The following FAM204A variants were observed in gnomAD, a reference collection of about 807,000 sequenced individuals.
FAM204A encodes protein FAM204A.
In FAM204A, 16 loss-of-function variants were observed where a neutral mutation model predicts 35.4. The observed-to-expected ratio is 0.45, with a 90% confidence interval of 0.31 to 0.69. The LOEUF (loss-of-function observed/expected upper bound fraction) is 0.69, where lower values mean the gene tolerates loss of function less well. Among genes scored for constraint, FAM204A ranks in the 30% least tolerant of loss-of-function variants. FAM204A has a pLI of 0.07. For synonymous variants in FAM204A, 76 were observed against 86.9 expected (o/e 0.88, Z 0.70); for missense variants, 240 against 265.7 (o/e 0.90, Z 0.67).
chr10:118,323,609 T>C (rs1479481767), intron 7 of FAM204A, among the ~76,000 whole-genome samples: 1 of 152,046 alleles, frequency 6.6e-6, no homozygotes, highest in Non-Finnish European at 1.5e-5. Flanking sequence ...CTCCTCACTA[T>C]ACTCCCCCAT....
chr10:118,303,361 T>C lies in FAM204A; in HGVS notation c.*7496A>G, dbSNP rs1235909881. 6.6e-6 allele frequency: 1 copy of C among 152,296 alleles called. No individual in the cohort carries two copies. The highest frequency in any genetic ancestry group is 2.4e-5 in the African/African-American group (1 of 41,566). The allele number at this position is 152,296 out of a possible 1,614,324, so 9.4% of individuals were successfully genotyped here. ...TAAAAAATTTACAGAACAATAACAG[T>C]ACTTCTAAGGCTTATATTCTCAGTC... On this transcript the variant is annotated 3_prime_UTR_variant, in exon 9 of 9. Coordinates refer to ENST00000369183, the MANE Select transcript of FAM204A (RefSeq NM_022063.3).
chr10:118,329,147 A>G (rs938454890), intron 6 of FAM204A, among the ~76,000 whole-genome samples: 2 of 152,116 alleles, frequency 1.3e-5, no homozygotes, highest in Non-Finnish European at 2.9e-5. Flanking sequence ...GTTATCTTCA[A>G]TGCTTCCAAC....
intron 6 of FAM204A, among the ~76,000 whole-genome samples, chr10:118,330,121 T>C (rs1846266725): frequency 1.3e-5 from 2 of 152,206 alleles, no homozygotes; most frequent in Non-Finnish European, 2.9e-5. Context: ...CTTTAAAAAA[T>C]GTAAATACAA....
In FAM204A at chr10:118,319,816, C is replaced by T. The variant is rs141739722; in HGVS notation, c.543+6338G>A. Among the ~76,000 whole-genome samples the T allele has an allele frequency of 2.5e-3, 375 of 151,984 alleles. 4 individuals carry two copies. Among genetic ancestry groups the T allele is most frequent in the African/African-American group, 8.8e-3 (366 of 41,518 alleles). ...AAACCAATATGATTACTCTTTGTAG[C>T]TTGTGCAAAACTGTTATAATGTTAC... is the stretch of plus-strand genomic sequence containing the variant. On this transcript the variant is annotated intron_variant, in intron 7 of 8. Transcript: ENST00000369183.
intron 6 of FAM204A, among the ~76,000 whole-genome samples, chr10:118,328,423 T>C (rs1412623321): frequency 1.3e-5 from 2 of 152,068 alleles, no homozygotes; most frequent in East Asian, 3.9e-4. Context: ...ATGCAAATTC[T>C]GTGGAAAAAC....
Position 118,306,177 on chromosome 10 carries a change from A to G in FAM204A, c.*4680T>C, listed in dbSNP as rs901383217. 6.6e-6 allele frequency: 1 copy of G among 152,302 alleles called. No homozygotes were observed. The highest frequency in any genetic ancestry group is 1.5e-5 in the Non-Finnish European group (1 of 68,104). The allele number at this position is 152,302 out of a possible 1,614,324, so 9.4% of individuals were successfully genotyped here. ...AGGATTACCTCATTCCATACCTGTC[A>G]CATAGCAGGCCCCCTGCAGCTATTC... On this transcript the variant is annotated 3_prime_UTR_variant, in exon 9 of 9. Transcript: ENST00000369183.
chr10:118,317,125 T>A (rs1292758969), intron 7 of FAM204A, among the ~76,000 whole-genome samples: 1 of 152,058 alleles, frequency 6.6e-6, no homozygotes, highest in Non-Finnish European at 1.5e-5. Context: ...TTTACAATAA[T>A]GTGCCATCAA....
chr10:118,326,636 G>A (rs1289316199), intron 6 of FAM204A, among the ~76,000 whole-genome samples: 4 of 152,150 alleles, frequency 2.6e-5, no homozygotes, highest in African/African-American at 9.7e-5. Context: ...GAATAATAAT[G>A]CTATCCTGTT....
intron 2 of FAM204A, among the ~76,000 whole-genome samples, chr10:118,339,461 A>G (rs1846439481): frequency 6.6e-6 from 1 of 152,146 alleles, no homozygotes; most frequent in Admixed American, 6.5e-5. Context: ...TGCCTTTCAG[A>G]GCGTATTTCT....
rs993461755 is a variant in FAM204A, at chr10:118,310,569, AT to A, written c.*287del. Reference sequence around the variant, plus strand: ...AAATGAATGGAAAGCGCCAAAAGTGATTTTATACCAAGGGTCCATCCATACA... The same window carrying A: ...AAATGAATGGAAAGCGCCAAAAGTGATTTATACCAAGGGTCCATCCATACA... On this transcript the variant is annotated 3_prime_UTR_variant, in exon 9 of 9. Coordinates refer to ENST00000369183, the MANE Select transcript of FAM204A (RefSeq NM_022063.3). 8.3e-5 allele frequency: 28 copies of A among 337,270 alleles called. No homozygotes were observed. Among genetic ancestry groups the A allele is most frequent in the African/African-American group, 5.9e-4 (27 of 45,926 alleles). The allele number at this position is 337,270 out of a possible 1,614,324, so 20.9% of individuals were successfully genotyped here. A position where few individuals can be genotyped will look rare whatever the true frequency, so the allele number is the denominator to read the frequency against.
chr10:118,313,840 T>C (rs943252431), intron 7 of FAM204A, among the ~76,000 whole-genome samples: 1 of 152,194 alleles, frequency 6.6e-6, no homozygotes, highest in African/African-American at 2.4e-5. Flanking sequence ...AAAACTGTTG[T>C]CAATTAAGAC....
intron 7 of FAM204A, among the ~76,000 whole-genome samples, chr10:118,321,062 T>G (rs1339171330): frequency 6.6e-6 from 1 of 151,816 alleles, no homozygotes; most frequent in Non-Finnish European, 1.5e-5. Flanking sequence ...GGAAAAGGCT[T>G]TAAGAACTCT....
rs944129193 is a variant in FAM204A at position 118,301,409 on chromosome 10, G to C, written c.*9448C>G. 6.6e-6 allele frequency: 1 copy of C among 152,168 alleles called. No individual in the cohort carries two copies. The highest frequency in any genetic ancestry group is 6.5e-5 in the Admixed American group (1 of 15,276). 9.4% of individuals were successfully genotyped at this position (152,168 alleles called of 1,614,324 possible). ...CAGCATTTTTGCATTGATTCCTACAGTATGACAGTTAAGAGGGCCAAAAGA... is the reference window on the plus strand; with the variant it reads ...CAGCATTTTTGCATTGATTCCTACACTATGACAGTTAAGAGGGCCAAAAGA... On this transcript the variant is annotated 3_prime_UTR_variant, in exon 9 of 9. Coordinates refer to ENST00000369183, the MANE Select transcript of FAM204A (RefSeq NM_022063.3).
rs1845882582 is a variant in FAM204A at position 118,307,532 on chromosome 10, C to T, written c.*3325G>A. On this transcript the variant is annotated 3_prime_UTR_variant, in exon 9 of 9. Coordinates refer to ENST00000369183, the MANE Select transcript of FAM204A (RefSeq NM_022063.3). ...AAAATGAGATCTGACATAACATCGGCTTGCCTCCTCAAACTTTATCATCTC... is the reference window on the plus strand; with the variant it reads ...AAAATGAGATCTGACATAACATCGGTTTGCCTCCTCAAACTTTATCATCTC... The T allele has an allele frequency of 6.6e-6, 1 of 152,214 alleles. No individual in the cohort carries two copies. The highest frequency in any genetic ancestry group is 2.1e-4 in the South Asian group (1 of 4,830). The allele number at this position is 152,214 out of a possible 1,614,324, so 9.4% of individuals were successfully genotyped here. A position where few individuals can be genotyped will look rare whatever the true frequency, so the allele number is the denominator to read the frequency against.
intron 6 of FAM204A, among the ~76,000 whole-genome samples, chr10:118,333,355 GCATCACAGATTTTCAAAAT>G (rs1846321981): frequency 6.6e-6 from 1 of 152,192 alleles, no homozygotes; most frequent in South Asian, 2.1e-4. Context: ...TGTTCTAACT[GCATCACAGATTTTCAAAAT>G]CATCTCTAGA....
At position 118,335,420 on chromosome 10, in the gene FAM204A, A is replaced by G. The variant is rs997081735; in HGVS notation, c.329T>C (p.Leu110Ser). 6.3e-7 allele frequency: 1 copy of G among 1,594,468 alleles called. No individual in the cohort carries two copies. The highest frequency in any genetic ancestry group is 1.3e-5 in the African/African-American group (1 of 74,142). Residue 110 changes from leucine to serine, a missense_variant, in exon 5 of 9, where the codon TTG (leucine) becomes TCG (serine). Transcript: ENST00000369183. ...CCTATGTAATTCTTTTTCATTCTTC[A>G]ATTTATCTGAAAAGAATTCACAAAG... ...KRRKRSRKDK[L>S]KNEKELHSEP...
intron 2 of FAM204A, among the ~76,000 whole-genome samples, chr10:118,340,468 T>C (rs1241456876): frequency 1.3e-5 from 2 of 152,180 alleles, no homozygotes; most frequent in Non-Finnish European, 1.5e-5. Flanking sequence ...AATGCCTCTT[T>C]ATGATTTTGA....
rs750971131 is a variant in FAM204A, at chr10:118,336,135, T to G, written c.234+47A>C. On this transcript the variant is annotated intron_variant, in intron 3 of 8. Coordinates refer to ENST00000369183, the MANE Select transcript of FAM204A (RefSeq NM_022063.3). ...ACCAGGGCAGAGACACACAGAGGCA[T>G]GTGCACACACACAGGCTGTAGCAAG... The G allele has an allele frequency of 1.1e-5, 17 of 1,586,378 alleles. 1 individual carries two copies. Among genetic ancestry groups the G allele is most frequent in the Non-Finnish European group, 1.3e-5 (15 of 1,166,294 alleles).
chr10:118,321,939 G>C (rs1846125696), intron 7 of FAM204A, among the ~76,000 whole-genome samples: 1 of 152,008 alleles, frequency 6.6e-6, no homozygotes, highest in Non-Finnish European at 1.5e-5. Flanking sequence ...CACCAGGCCA[G>C]TGCATCATTT....
Sources: allele counts gnomAD v4.1 joint callset (sites outside exome capture counted in the v4.1 genomes callset), GRCh38; gene constraint gnomAD v4.1.1; transcripts MANE v1.5; gene names NCBI Gene and HGNC (gene_info 2026-07-23, HGNC 2026-07-21).